Variants in STXBP5L observed in about 807,000 individuals in gnomAD.
STXBP5L encodes the protein syntaxin binding protein 5L.
Under a neutral mutation model 144.5 loss-of-function variants are expected in STXBP5L, and 65 were observed. That is an observed-to-expected ratio of 0.45 (90% CI 0.37 to 0.55). The LOEUF (loss-of-function observed/expected upper bound fraction) is 0.55, where lower values mean the gene tolerates loss of function less well. Among genes scored for constraint, STXBP5L ranks in the 20% least tolerant of loss-of-function variants. STXBP5L has a pLI of 0.00. For synonymous variants in STXBP5L, 505 were observed against 469.6 expected, an observed-to-expected ratio of 1.08 and a Z score of -0.97; for missense variants, 1,298 against 1,405.5, an observed-to-expected ratio of 0.92 and a Z score of 1.22.
At chr3:121,027,227 A>C (rs984630346) in intron 3 of STXBP5L, among the ~76,000 whole-genome samples, 12 of 152,104 alleles carry the variant, frequency 7.9e-5, no homozygotes, top group African/African-American at 2.2e-4. Flanking sequence ...TTTGAGAGCC[A>C]TGTAAATCCA....
Position 121,142,798 on chromosome 3 carries a change from A to G in STXBP5L, c.670-9679A>G, listed in dbSNP as rs189135877. On this transcript the variant is annotated intron_variant, in intron 7 of 26. Transcript: ENST00000471454. ...ATAAATGCTTACATTAAAAAATAAG[A>G]AAGACCTGCAAACTTACAACTTTAC... Among the ~76,000 whole-genome samples, 424 of 152,010 alleles carry G rather than the reference A, an allele frequency of 2.8e-3. 2 individuals are homozygous for G. The highest frequency in any genetic ancestry group is 6.8e-3 in the Admixed American group (104 of 15,258).
At chr3:121,378,571 A>G in intron 20 of STXBP5L, 145 bp from the exon 21 acceptor site, 2 of 958,634 alleles carry the variant, frequency 2.1e-6, no homozygotes, top group Non-Finnish European at 2.9e-6. Context: ...ACTAAGTCTT[A>G]AAAGAACAAG....
chr3:121,097,192 A>G (rs2043173607), intron 5 of STXBP5L, among the ~76,000 whole-genome samples: 2 of 152,164 alleles, frequency 1.3e-5, no homozygotes, highest in East Asian at 3.9e-4. Flanking sequence ...ACCAAGCTCA[A>G]TTGTCCCAGG....
chr3:121,042,776 G>C (rs1055391751), intron 4 of STXBP5L, among the ~76,000 whole-genome samples: 11 of 152,070 alleles, frequency 7.2e-5, no homozygotes, highest in Non-Finnish European at 1.6e-4. Context: ...AGGACTATGA[G>C]ATCCTCTTTA....
chr3:121,408,692 T>C (rs190325479), intron 23 of STXBP5L, among the ~76,000 whole-genome samples: 1 of 151,772 alleles, frequency 6.6e-6, no homozygotes, highest in African/African-American at 2.4e-5. Flanking sequence ...GGAAATGGGG[T>C]TTTAAGCAGG....
chr3:121,150,477 T>C (rs186260878), intron 7 of STXBP5L, among the ~76,000 whole-genome samples: 1 of 152,194 alleles, frequency 6.6e-6, no homozygotes, highest in South Asian at 2.1e-4. Flanking sequence ...GATTCTAATA[T>C]CATGTTTTCT....
At chr3:121,072,305 G>T (rs1235522823) in intron 5 of STXBP5L, among the ~76,000 whole-genome samples, 1 of 152,194 alleles carries the variant, frequency 6.6e-6, no homozygotes, top group Non-Finnish European at 1.5e-5. Flanking sequence ...TTTTCACAGG[G>T]TATAACTCCA....
intron 9 of STXBP5L, among the ~76,000 whole-genome samples, chr3:121,182,800 A>G (rs969065086): frequency 6.6e-6 from 1 of 152,220 alleles, no homozygotes; most frequent in Admixed American, 6.5e-5. Flanking sequence ...GCTGAATTAG[A>G]AATGAAAGGA....
intron 5 of STXBP5L, among the ~76,000 whole-genome samples, chr3:121,075,506 A>G (rs1044011724): frequency 1.3e-5 from 2 of 152,160 alleles, no homozygotes; most frequent in African/African-American, 2.4e-5. Context: ...GCTTGGTAAT[A>G]TGCCTTCAAA....
At position 121,027,736 on chromosome 3, in the gene STXBP5L, A is replaced by G. The variant is rs550848601; in HGVS notation, c.288-13964A>G. On this transcript the variant is annotated intron_variant, in intron 3 of 26. Coordinates refer to ENST00000471454, the MANE Select transcript of STXBP5L (RefSeq NM_001308330.2). ...CTCCCCATCTCATGGTCAGCCAAAC[A>G]GTGACCTTCATTCCATCTGCAACCT... Among the ~76,000 whole-genome samples the G allele has an allele frequency of 7.9e-5, 12 of 152,202 alleles. No homozygotes were observed. In the South Asian group the frequency reaches 2.5e-3, roughly 32 times the overall value.
intron 22 of STXBP5L, among the ~76,000 whole-genome samples, chr3:121,385,678 C>T (rs1289865716): frequency 1.3e-5 from 2 of 152,054 alleles, no homozygotes; most frequent in Non-Finnish European, 2.9e-5. Flanking sequence ...CTTCTGATCC[C>T]TTTTACTCAC....
chr3:121,142,953 C>T (rs2045568105), intron 7 of STXBP5L, among the ~76,000 whole-genome samples: 1 of 151,528 alleles, frequency 6.6e-6, no homozygotes, highest in Non-Finnish European at 1.5e-5. Flanking sequence ...AAAAGATCAA[C>T]AAAATTGACA....
At chr3:121,339,273 G>T (rs1576214739) in intron 20 of STXBP5L, among the ~76,000 whole-genome samples, 1 of 152,032 alleles carries the variant, frequency 6.6e-6, no homozygotes, top group South Asian at 2.1e-4. Flanking sequence ...ACATATGCAA[G>T]TCAATAAATG....
At chr3:120,930,142 T>TTTTGA (rs138697911) in intron 2 of STXBP5L, among the ~76,000 whole-genome samples, 14,759 of 150,820 alleles carry the variant, frequency 0.098, 1,152 homozygotes, top group Admixed American at 0.2. Flanking sequence ...CAATCCAGAG[T>TTTTGA]TTGAATATTC....
chr3:120,966,833 G>A (rs1372977085), intron 3 of STXBP5L, among the ~76,000 whole-genome samples: 1 of 152,206 alleles, frequency 6.6e-6, no homozygotes. Context: ...TCTCTTCAGA[G>A]CTATCAGACA....
chr3:121,076,904 GC>G (rs2042041570), intron 5 of STXBP5L, among the ~76,000 whole-genome samples: 1 of 152,042 alleles, frequency 6.6e-6, no homozygotes, highest in African/African-American at 2.4e-5. Context: ...ATACTACTTA[GC>G]CCGGAGAGTG....
intron 5 of STXBP5L, among the ~76,000 whole-genome samples, chr3:121,053,678 G>T (rs1468597964): frequency 2.6e-5 from 4 of 152,124 alleles, no homozygotes; most frequent in African/African-American, 9.7e-5. Context: ...ATAGGCATGG[G>T]CAAGGACTTC....
intron 20 of STXBP5L, among the ~76,000 whole-genome samples, chr3:121,372,452 C>T (rs2046060157): frequency 6.6e-6 from 1 of 152,178 alleles, no homozygotes; most frequent in Admixed American, 6.5e-5. Context: ...CTTCTCTCTT[C>T]TCTAAGCAGC....
intron 5 of STXBP5L, among the ~76,000 whole-genome samples, chr3:121,095,745 C>T (rs750780178): frequency 6.6e-6 from 1 of 151,538 alleles, no homozygotes; most frequent in Non-Finnish European, 1.5e-5. Context: ...CCTCCTTTAG[C>T]TCGGAGAAGT....
Sources: allele counts gnomAD v4.1 joint callset (sites outside exome capture counted in the v4.1 genomes callset), GRCh38; gene constraint gnomAD v4.1.1; transcripts MANE v1.5; gene names NCBI Gene and HGNC (gene_info 2026-07-23, HGNC 2026-07-21).